The following RSPO4 variants were observed in gnomAD, a reference collection of about 807,000 sequenced individuals.
The protein encoded by RSPO4 is R-spondin 4.
A neutral mutation model predicts 24.8 loss-of-function variants in RSPO4; 23 were observed. The ratio of observed to expected loss-of-function variants is 0.93; its 90% confidence interval spans 0.67 to 1.31. The LOEUF is 1.31. Ranked by LOEUF, RSPO4 falls within the 40% of genes most tolerant of loss-of-function variation. The pLI is 0.00. For synonymous variants in RSPO4, 141 were observed against 127.4 expected (o/e 1.11, Z -0.72); for missense variants, 333 against 316.5 (o/e 1.05, Z -0.39).
At chr20:990,225 T>C (rs540996472) in intron 1 of RSPO4, among the ~76,000 whole-genome samples, 12 of 152,240 alleles carry the variant, frequency 7.9e-5, no homozygotes, top group African/African-American at 2.4e-4. Flanking sequence ...CATACGTCTC[T>C]CAGGTCCCGA....
intron 3 of RSPO4, 75 bp from the exon 4 acceptor site, chr20:964,195 G>A: frequency 7.6e-7 from 1 of 1,318,052 alleles, no homozygotes; most frequent in Non-Finnish European, 1.0e-6. Context: ...AGATCCAAGG[G>A]CAGGGTTTGA....
At chr20:996,375 G>A (rs1246608926) in intron 1 of RSPO4, among the ~76,000 whole-genome samples, 2 of 152,160 alleles carry the variant, frequency 1.3e-5, no homozygotes, top group Non-Finnish European at 1.5e-5. Context: ...CACCAGATGG[G>A]AGGATGGATG....
intron 1 of RSPO4, among the ~76,000 whole-genome samples, chr20:969,446 A>G (rs1984340497): frequency 6.6e-6 from 1 of 152,260 alleles, no homozygotes; most frequent in African/African-American, 2.4e-5. Context: ...GGTGCCTGCA[A>G]GAAGGTGCCA....
At chr20:974,475 G>T (rs1382977574) in intron 1 of RSPO4, among the ~76,000 whole-genome samples, 1 of 152,246 alleles carries the variant, frequency 6.6e-6, no homozygotes, top group Non-Finnish European at 1.5e-5. Context: ...CTAGCTAACA[G>T]AGGCTCTGCT....
chr20:992,676 C>T (rs1200212755), intron 1 of RSPO4, among the ~76,000 whole-genome samples: 1 of 152,106 alleles, frequency 6.6e-6, no homozygotes, highest in Non-Finnish European at 1.5e-5. Flanking sequence ...CATCGAGATT[C>T]AGGAGTCAAA....
chr20:997,413 T>C (rs1045412949), intron 1 of RSPO4, among the ~76,000 whole-genome samples: 3 of 152,184 alleles, frequency 2.0e-5, no homozygotes, highest in African/African-American at 7.2e-5. Context: ...CCACCTACTA[T>C]CTGCCAAGCA....
chr20:991,221 G>A (rs753633523), intron 1 of RSPO4, among the ~76,000 whole-genome samples: 7 of 152,202 alleles, frequency 4.6e-5, no homozygotes, highest in South Asian at 4.1e-4. Flanking sequence ...GATTTCAGGC[G>A]AGAGTCAATG....
chr20:958,462 T>G lies in RSPO4; in HGVS notation c.*1895A>C, dbSNP rs959148008. ...GATGCTCAAGAAGCATTTACAAGTT[T>G]CTTTTCCCTTTATTAAGAAAGTTTT... On this transcript the variant is annotated 3_prime_UTR_variant, in exon 5 of 5. Transcript: ENST00000217260. 2.6e-5 allele frequency: 4 copies of G among 152,210 alleles called. No individual in the cohort carries two copies. The highest frequency in any genetic ancestry group is 9.7e-5 in the African/African-American group (4 of 41,446). The allele number at this position is 152,210 out of a possible 1,614,324, so 9.4% of individuals were successfully genotyped here.
chr20:1,000,802 C>T (rs575374913), intron 1 of RSPO4, among the ~76,000 whole-genome samples: 4 of 152,322 alleles, frequency 2.6e-5, no homozygotes, highest in East Asian at 3.9e-4. Flanking sequence ...GAAAACCACA[C>T]GCCTCTCTAG....
chr20:997,876 G>C (rs949555675), intron 1 of RSPO4, among the ~76,000 whole-genome samples: 1 of 152,200 alleles, frequency 6.6e-6, no homozygotes, highest in Non-Finnish European at 1.5e-5. Flanking sequence ...AGGCAGAGGT[G>C]AGCTTAACCC....
At chr20:969,502 C>T (rs540241235) in intron 1 of RSPO4, among the ~76,000 whole-genome samples, 8 of 152,256 alleles carry the variant, frequency 5.3e-5, no homozygotes, top group Admixed American at 2.0e-4. Context: ...CATAGCCCTG[C>T]GAATCTGCCC....
rs1985482168 is a variant in RSPO4, at chr20:1,002,012, C to T, written c.79+74G>A. ...CACCAGGCAGATGCCCCCAGAGCCGCCGCCCCCGGTCCTCCGGCCCCCGGT... is the reference window on the plus strand; with the variant it reads ...CACCAGGCAGATGCCCCCAGAGCCGTCGCCCCCGGTCCTCCGGCCCCCGGT... On this transcript the variant is annotated intron_variant, in intron 1 of 4. Transcript: ENST00000217260. The surrounding 1 kb of genome is among the most constrained non-coding windows in gnomAD (Gnocchi z 4.6). 2 of 1,342,862 alleles carry T rather than the reference C, an allele frequency of 1.5e-6. No homozygotes were observed. The highest frequency in any genetic ancestry group is 1.2e-5 in the South Asian group (1 of 80,018). The allele number at this position is 1,342,862 out of a possible 1,614,324, so 83.2% of individuals were successfully genotyped here.
At chr20:964,807 C>CAA (rs1984139654) in intron 3 of RSPO4, among the ~76,000 whole-genome samples, 2 of 60,018 alleles carry the variant, frequency 3.3e-5, no homozygotes, top group African/African-American at 8.6e-5. Flanking sequence ...TACACACATA[C>CAA]ACACACACAC....
chr20:1,000,305 C>G (rs561012415), intron 1 of RSPO4, among the ~76,000 whole-genome samples: 10 of 152,306 alleles, frequency 6.6e-5, no homozygotes, highest in Admixed American at 2.0e-4. Flanking sequence ...GCTGTGCGAC[C>G]TTGGACAAGT....
At chr20:992,056 C>T (rs939348825) in intron 1 of RSPO4, among the ~76,000 whole-genome samples, 14 of 152,026 alleles carry the variant, frequency 9.2e-5, no homozygotes, top group South Asian at 2.1e-4. Context: ...AAAGCATGCC[C>T]GCAGGCAGCA....
At chr20:966,760 C>T (rs745454753) in intron 3 of RSPO4, among the ~76,000 whole-genome samples, 4 of 152,236 alleles carry the variant, frequency 2.6e-5, no homozygotes, top group Middle Eastern at 3.4e-3. Context: ...GAGGCTGAGG[C>T]GGGAGGATTC....
chr20:962,367 C>T (rs1187034956), intron 4 of RSPO4, among the ~76,000 whole-genome samples: 3 of 152,146 alleles, frequency 2.0e-5, no homozygotes, highest in African/African-American at 7.2e-5. Flanking sequence ...AGTCATGTTT[C>T]ACAGCACTAA....
chr20:989,479 T>C (rs1185376845), intron 1 of RSPO4, among the ~76,000 whole-genome samples: 2 of 152,210 alleles, frequency 1.3e-5, no homozygotes. Flanking sequence ...GGGCAATGCA[T>C]ACAAAGCCTC....
At chr20:965,461 G>A (rs1348270547) in intron 3 of RSPO4, among the ~76,000 whole-genome samples, 3 of 152,226 alleles carry the variant, frequency 2.0e-5, no homozygotes, top group Admixed American at 6.5e-5. Context: ...GGTGGGCTCC[G>A]CCCAAGGGCA....
Sources: gnomAD v4.1 joint callset for allele counts (sites outside exome capture counted in the v4.1 genomes callset) on GRCh38, gnomAD v4.1.1 for gene constraint, Gnocchi (gnomAD v3.1) non-coding constraint, MANE v1.5 for transcripts, NCBI Gene and HGNC (gene_info 2026-07-23, HGNC 2026-07-21) for gene names.